ZNF800: variants seen among roughly 807,000 people sequenced by gnomAD.
ZNF800 encodes the protein zinc finger protein 800.
In ZNF800, 13 loss-of-function variants were observed where a neutral mutation model predicts 59.5. The ratio of observed to expected loss-of-function variants is 0.22; its 90% CI spans 0.14 to 0.35. The LOEUF (loss-of-function observed/expected upper bound fraction) is 0.35, where lower values mean the gene tolerates loss of function less well. Among genes scored for constraint, ZNF800 ranks in the 10% least tolerant of loss-of-function variants. ZNF800 has a pLI of 1.00. For missense variants in ZNF800, 621 were observed against 783.7 expected, an observed-to-expected ratio of 0.79 and a Z score of 2.48; for synonymous variants, 266 against 265.7, an observed-to-expected ratio of 1.00 and a Z score of -0.01.
chr7:127,379,428 T>C (rs1217622226), intron 3 of ZNF800, among the ~76,000 whole-genome samples: 2 of 152,210 alleles, frequency 1.3e-5, no homozygotes, highest in Non-Finnish European at 2.9e-5. Flanking sequence ...GATTCAATTC[T>C]GCCTTTAAGG....
rs1439474432 is a variant in ZNF800, at chr7:127,377,336, GA to G, written c.158-8del. 1 of 1,580,220 alleles carries G rather than the reference GA, an allele frequency of 6.3e-7. No homozygotes were observed. The highest frequency in any genetic ancestry group is 8.6e-7 in the Non-Finnish European group (1 of 1,165,208). On this transcript the variant is annotated splice_polypyrimidine_tract_variant and splice_region_variant and intron_variant, in intron 3 of 5. Transcript: ENST00000265827. This position sits in a 1 kb window ranked among gnomAD's most constrained non-coding sequence, Gnocchi z 4.7. Reference sequence around the variant, plus strand: ...TGCTTAAGTTGTTTAGTTCCTGAGAGAAAAAAGAAAAGAAAAACTTAACACA... The same window carrying G: ...TGCTTAAGTTGTTTAGTTCCTGAGAGAAAAAGAAAAGAAAAACTTAACACA...
Position 127,384,490 on chromosome 7 carries a change from T to A in ZNF800, c.157+1570A>T, listed in dbSNP as rs549636692. Among the ~76,000 whole-genome samples the A allele has an allele frequency of 3.9e-3, 589 of 152,050 alleles. 2 individuals carry two copies. The highest frequency in any genetic ancestry group is 6.3e-3 in the Admixed American group (97 of 15,276). Reference sequence around the variant, plus strand: ...ACCTCGTGATCTGCCCGCCTCGGCCTCCCAAAGTGCTGGGATTACAGACGT... The same window carrying A: ...ACCTCGTGATCTGCCCGCCTCGGCCACCCAAAGTGCTGGGATTACAGACGT... On this transcript the variant is annotated intron_variant, in intron 3 of 5. Coordinates refer to ENST00000265827, the MANE Select transcript of ZNF800 (RefSeq NM_176814.5).
chr7:127,361,110 TAACTGCCACAAC>T (rs1800384766), intron 1 of ZNF800: 1 of 152,176 alleles, frequency 6.6e-6, no homozygotes, highest in African/African-American at 2.4e-5. Context: ...AACATGGTAC[TAACTGCCACAAC>T]AGGAGAGGGA....
At chr7:127,359,576 A>T (rs920882172) in intron 1 of ZNF800, among the ~76,000 whole-genome samples, 8 of 152,184 alleles carry the variant, frequency 5.3e-5, no homozygotes, top group African/African-American at 1.9e-4. Context: ...TAACAATATC[A>T]TAATGAAAAT....
downstream of ZNF800, among the ~76,000 whole-genome samples, chr7:127,368,109 T>A (rs1405646687): frequency 6.6e-6 from 1 of 152,112 alleles, no homozygotes; most frequent in Non-Finnish European, 1.5e-5. Context: ...TTGGTACTAA[T>A]GATTTCTATT....
downstream of ZNF800, among the ~76,000 whole-genome samples, chr7:127,343,819 C>T (rs1325342143): frequency 1.3e-5 from 2 of 151,684 alleles, no homozygotes; most frequent in Non-Finnish European, 2.9e-5. Flanking sequence ...AGAAATAATC[C>T]AGTATTGAGA....
chr7:127,359,188 T>C (rs1343049017), intron 1 of ZNF800, among the ~76,000 whole-genome samples: 7 of 151,888 alleles, frequency 4.6e-5, no homozygotes, highest in Non-Finnish European at 1.5e-5. Context: ...TTTGCCTGCA[T>C]ACCTAGGACA....
intron 3 of ZNF800, among the ~76,000 whole-genome samples, chr7:127,380,671 A>T (rs1297077041): frequency 2.6e-5 from 4 of 152,242 alleles, no homozygotes; most frequent in Non-Finnish European, 5.9e-5. Context: ...CTGTCACCTG[A>T]GACAACAGAC....
chr7:127,355,896 C>T (rs1258402689), intron 1 of ZNF800, among the ~76,000 whole-genome samples: 2 of 151,874 alleles, frequency 1.3e-5, no homozygotes, highest in Non-Finnish European at 2.9e-5. Context: ...ATCACACTTA[C>T]ACAGGATGTT....
chr7:127,389,665 C>A (rs1212901701), intron 2 of ZNF800, among the ~76,000 whole-genome samples: 5 of 152,104 alleles, frequency 3.3e-5, no homozygotes, highest in Non-Finnish European at 7.4e-5. Context: ...CAACAAAATT[C>A]TAAGAAAGTT....
chr7:127,370,566 A>C lies in ZNF800; in HGVS notation c.*1248T>G, dbSNP rs960450123. 2.0e-4 allele frequency: 30 copies of C among 152,554 alleles called. No individual in the cohort carries two copies. Among genetic ancestry groups the C allele is most frequent in the Non-Finnish European group, 3.5e-4 (24 of 67,986 alleles). The allele number at this position is 152,554 out of a possible 1,614,324, so 9.5% of individuals were successfully genotyped here. A position where few individuals can be genotyped will look rare whatever the true frequency, so the allele number is the denominator to read the frequency against. ...GACCTTGTGGATCTTTAACATTTTA[A>C]AATTTTATACAAAAAGTATATAGAT... On this transcript the variant is annotated 3_prime_UTR_variant, in exon 6 of 6. Transcript: ENST00000265827.
chr7:127,381,378 C>G (rs915451648), intron 3 of ZNF800, among the ~76,000 whole-genome samples: 4 of 151,982 alleles, frequency 2.6e-5, no homozygotes, highest in Admixed American at 6.6e-5. Flanking sequence ...TTCAAAGATA[C>G]AAAGAAAACT....
At position 127,371,271 on chromosome 7, in the gene ZNF800, A is replaced by T. The variant is rs1032154276; in HGVS notation, c.*543T>A. On this transcript the variant is annotated 3_prime_UTR_variant, in exon 6 of 6. Transcript: ENST00000265827. ...GAACAAGCTAGAAATAAATGGATGTAAAAATAATTACAAATATTTAGTAAG... is the reference window on the plus strand; with the variant it reads ...GAACAAGCTAGAAATAAATGGATGTTAAAATAATTACAAATATTTAGTAAG... 9 of 152,764 alleles carry T rather than the reference A, an allele frequency of 5.9e-5. No individual in the cohort carries two copies. Among genetic ancestry groups the T allele is most frequent in the African/African-American group, 1.9e-4 (8 of 41,590 alleles). 9.5% of individuals were successfully genotyped at this position (152,764 alleles called of 1,614,324 possible). A position where few individuals can be genotyped will look rare whatever the true frequency, so the allele number is the denominator to read the frequency against.
chr7:127,381,946 G>A (rs976208474), intron 3 of ZNF800, among the ~76,000 whole-genome samples: 2 of 151,364 alleles, frequency 1.3e-5, no homozygotes, highest in Admixed American at 6.6e-5. Context: ...AAAAGCCTAA[G>A]TTAAATGACC....
chr7:127,376,288 G>A (rs1459822307), intron 4 of ZNF800, among the ~76,000 whole-genome samples: 1 of 151,908 alleles, frequency 6.6e-6, no homozygotes, highest in Non-Finnish European at 1.5e-5. Context: ...AAAAGGTTAA[G>A]TTGAAAAATG....
intron 1 of ZNF800, among the ~76,000 whole-genome samples, chr7:127,355,262 A>T (rs1800247532): frequency 6.6e-6 from 1 of 152,172 alleles, no homozygotes; most frequent in African/African-American, 2.4e-5. Context: ...GAAAAATAGG[A>T]CATGAAGAAG....
At chr7:127,361,963 T>C (rs1342354500) in intron 1 of ZNF800, 3 of 152,108 alleles carry the variant, frequency 2.0e-5, no homozygotes, top group Admixed American at 1.3e-4. Context: ...AGCAAAACTA[T>C]GTTGAATATG....
At chr7:127,388,732 C>T (rs1214064892) in intron 2 of ZNF800, among the ~76,000 whole-genome samples, 2 of 152,200 alleles carry the variant, frequency 1.3e-5, no homozygotes, top group Non-Finnish European at 2.9e-5. Flanking sequence ...CACCAGAACA[C>T]ATACACATCC....
intron 5 of ZNF800, 116 bp downstream of exon 5, chr7:127,373,226 A>T: frequency 6.7e-7 from 1 of 1,487,356 alleles, no homozygotes; most frequent in Non-Finnish European, 8.9e-7. Context: ...TCCCATTGCC[A>T]TGAGATATAT....
Sources: allele counts gnomAD v4.1 joint callset (sites outside exome capture counted in the v4.1 genomes callset), GRCh38; gene constraint gnomAD v4.1.1; non-coding constraint Gnocchi (gnomAD v3.1); transcripts MANE v1.5; gene names NCBI Gene and HGNC (gene_info 2026-07-23, HGNC 2026-07-21).